The following PER2 variants were observed in gnomAD, a reference collection of about 807,000 sequenced individuals.
PER2 encodes the protein period circadian regulator 2.
A neutral mutation model predicts 121.0 loss-of-function variants in PER2; 66 were observed. The observed-to-expected ratio is 0.55, with a 90% confidence interval of 0.45 to 0.67. The LOEUF is 0.67. PER2 is among the 30% of genes least tolerant of loss of function. The probability of loss-of-function intolerance (pLI) is 0.00; values close to 1 mark genes in which losing one functional copy is unlikely to be tolerated. For missense variants in PER2, 1,521 were observed against 1,635.0 expected (o/e 0.93, Z 1.20); for synonymous variants, 684 against 659.9 (o/e 1.04, Z -0.56).
chr2:238,263,194 G>A (rs1695990397), intron 9 of PER2, 136 bp from the exon 10 acceptor site: 2 of 660,384 alleles, frequency 3.0e-6, no homozygotes, highest in Non-Finnish European at 5.3e-6. Context: ...GAGATCAAAA[G>A]TTGGACTAAC....
At position 238,262,967 on chromosome 2, in the gene PER2, C is replaced by T; in HGVS notation, c.1138G>A (p.Ala380Thr). The T allele has an allele frequency of 6.2e-7, 1 of 1,610,906 alleles. No homozygotes were observed. The highest frequency in any genetic ancestry group is 1.1e-5 in the South Asian group (1 of 90,992). ...LHPSDRPLMLAIHKKILQSGG... is the reference protein window; with the variant it reads ...LHPSDRPLMLTIHKKILQSGG... ...GGGGACCTACTCTTTTTGTGGATGGCCAGCATCAAGGGCCTGTCACTAGGG... is the reference window on the plus strand; with the variant it reads ...GGGGACCTACTCTTTTTGTGGATGGTCAGCATCAAGGGCCTGTCACTAGGG... Residue 380 changes from alanine to threonine, a missense_variant, in exon 10 of 23, where the codon GCC becomes ACC. By Grantham distance (58) the Ala-to-Thr change is moderately conservative. Transcript: ENST00000254657.
At chr2:238,271,002 C>T (rs80012488) in intron 6 of PER2, among the ~76,000 whole-genome samples, 16,666 of 152,288 alleles carry the variant, frequency 0.11, 1,207 homozygotes, top group Admixed American at 0.17. Flanking sequence ...CTCCCCACTG[C>T]CCCCACGACC....
the PER2 span, chr2:238,295,751 G>C: frequency 6.2e-6 from 1 of 161,294 alleles, no homozygotes; most frequent in African/African-American, 2.4e-5. Flanking sequence ...CTGCGATGAG[G>C]AGGAAGGGAA....
At chr2:238,284,813 C>G (rs1290590091) in intron 1 of PER2, among the ~76,000 whole-genome samples, 1 of 152,212 alleles carries the variant, frequency 6.6e-6, no homozygotes, top group Non-Finnish European at 1.5e-5. Context: ...GCCAAATTAT[C>G]AGAAACTTCG....
Position 238,268,235 on chromosome 2 carries a change from GACACAGGA to G in PER2, c.825-45_825-38del. The G allele has an allele frequency of 6.2e-7, 1 of 1,607,766 alleles. No individual in the cohort carries two copies. The highest frequency in any genetic ancestry group is 1.7e-5 in the Admixed American group (1 of 59,950). On this transcript the variant is annotated intron_variant, in intron 7 of 22. Coordinates refer to ENST00000254657, the MANE Select transcript of PER2 (RefSeq NM_022817.3). The surrounding 1 kb of genome is among the most constrained non-coding windows in gnomAD (Gnocchi z 4.0). ...AGCCACGCTCTAAGTTGGGAACTGT[GACACAGGA>G]ACAGTCCCCTGTTCTGTTCCCTCCT...
upstream of PER2, among the ~76,000 whole-genome samples, chr2:238,291,021 G>A (rs181380039): frequency 3.1e-3 from 473 of 152,344 alleles, 1 homozygote; most frequent in Non-Finnish European, 5.5e-3. Context: ...GAAGGGGGAT[G>A]AACCCTTTCC....
rs2304672 is a variant in PER2 at position 238,277,948 on chromosome 2, G to C, written c.-12C>G. ...GCGTATCCATTCATGCTGGGCTCTG[G>C]AACGAAGCTGGCAAACAGAGGGATG... On this transcript the variant is annotated 5_prime_UTR_variant, in exon 2 of 23. Coordinates refer to ENST00000254657, the MANE Select transcript of PER2 (RefSeq NM_022817.3). The C allele has an allele frequency of 0.087, 140,247 of 1,611,976 alleles. 6,907 individuals are homozygous for C. Among genetic ancestry groups the C allele is most frequent in the Middle Eastern group, 0.14 (765 of 5,450 alleles).
Position 238,271,321 on chromosome 2 carries a change from T to G in PER2, c.763A>C (p.Ser255Arg), listed in dbSNP as rs748712795. The G allele has an allele frequency of 1.6e-5, 26 of 1,613,478 alleles. No individual in the cohort carries two copies. The highest frequency in any genetic ancestry group is 2.1e-5 in the Non-Finnish European group (25 of 1,179,664). Residue 255 changes from serine to arginine, a missense_variant, in exon 6 of 23, where the codon AGT becomes CGT. Transcript: ENST00000254657. ...ACCTCGATAACCTCACCTGCTCCAC[T>G]GCACATGCTCCACAAGGGAAGCTTG... Reference protein sequence around the residue: ...PYKLPLWSMCSGADSFTQECM... With the variant: ...PYKLPLWSMCRGADSFTQECM...
chr2:238,255,935 C>A (rs921470365), intron 17 of PER2, 24 bp from the exon 18 acceptor site: 2 of 1,613,950 alleles, frequency 1.2e-6, no homozygotes, highest in African/African-American at 2.7e-5. Flanking sequence ...ACCCAGGGCT[C>A]TGGTCCACAC....
At position 238,246,532 on chromosome 2, in the gene PER2, G is replaced by GAAA; in HGVS notation, c.3619-11_3619-9dup. On this transcript the variant is annotated splice_polypyrimidine_tract_variant and intron_variant, in intron 22 of 22. Transcript: ENST00000254657. ...TTCACAGTAAACACATTCCTTAAAA[G>GAAA]AAAAAAAAAGAGAAATCAGTAACAA... The GAAA allele has an allele frequency of 6.7e-7, 1 of 1,503,472 alleles. No homozygotes were observed. The highest frequency in any genetic ancestry group is 9.2e-7 in the Non-Finnish European group (1 of 1,090,276). The allele number at this position is 1,503,472 out of a possible 1,614,324, so 93.1% of individuals were successfully genotyped here.
chr2:238,266,487 G>A (rs1696117909), intron 8 of PER2, among the ~76,000 whole-genome samples: 1 of 152,106 alleles, frequency 6.6e-6, no homozygotes, highest in Non-Finnish European at 1.5e-5. Context: ...CTAGACAAAG[G>A]TGGACAAAGC....
At position 238,252,057 on chromosome 2, in the gene PER2, G is replaced by A. The variant is rs561890733; in HGVS notation, c.3112-296C>T. On this transcript the variant is annotated intron_variant, in intron 19 of 22. Coordinates refer to ENST00000254657, the MANE Select transcript of PER2 (RefSeq NM_022817.3). This position sits in a 1 kb window ranked among gnomAD's most constrained non-coding sequence, Gnocchi z 4.2. ...GGGGAAAGCCTCAGGCTGCTCCTTG[G>A]CCACAGCCCCCTCCTCACATGCAGC... is the stretch of plus-strand genomic sequence containing the variant. 4.8e-4 allele frequency among the ~76,000 whole-genome samples: 73 copies of A among 152,302 alleles called. 1 individual carries two copies. The highest frequency in any genetic ancestry group is 1.6e-3 in the African/African-American group (66 of 41,566).
At chr2:238,274,662 G>A (rs946872838) in intron 4 of PER2, among the ~76,000 whole-genome samples, 6 of 152,200 alleles carry the variant, frequency 3.9e-5, no homozygotes, top group Non-Finnish European at 7.3e-5. Context: ...TCCTCCTTCC[G>A]GAAAAGGGGG....
In PER2 at chr2:238,255,848, G is replaced by A; in HGVS notation, c.2129C>T (p.Ala710Val). Reference sequence around the variant, plus strand: ...CTCCTTCTCTTGGCTGAGACCACAGGCCAGGGCAGGGCCCGCCAGGCAGTC... The same window carrying A: ...CTCCTTCTCTTGGCTGAGACCACAGACCAGGGCAGGGCCCGCCAGGCAGTC... The part of the protein sequence containing the change: ...SLDCLAGPAL[A>V]CGLSQEKEPF... The change falls in exon 18 of 23, where the codon GCC (alanine) becomes GTC (valine). Residue 710 changes from alanine to valine, a missense_variant. Coordinates refer to ENST00000254657, the MANE Select transcript of PER2 (RefSeq NM_022817.3). The A allele has an allele frequency of 1.2e-6, 2 of 1,614,198 alleles. No homozygotes were observed. Among genetic ancestry groups the A allele is most frequent in the Non-Finnish European group, 1.7e-6 (2 of 1,180,018 alleles).
chr2:238,269,076 C>G, intron 6 of PER2, 102 bp from the exon 7 acceptor site: 1 of 948,154 alleles, frequency 1.1e-6, no homozygotes, highest in Non-Finnish European at 1.7e-6. Flanking sequence ...AAGCAAGATT[C>G]AAGGTGAAAA....
intron 17 of PER2, 132 bp from the exon 18 acceptor site, chr2:238,256,043 G>A: frequency 8.7e-7 from 1 of 1,143,326 alleles, no homozygotes; most frequent in Non-Finnish European, 1.3e-6. Context: ...ATGAGGATGA[G>A]ACTCACAGCG....
intron 12 of PER2, chr2:238,261,517 G>A (rs928584266): frequency 1.8e-5 from 11 of 608,312 alleles, no homozygotes; most frequent in Non-Finnish European, 3.0e-5. Flanking sequence ...GTTCAGACAA[G>A]GTCGAATGCA....
chr2:238,297,171 AC>A, the PER2 span, among the ~76,000 whole-genome samples: 2 of 151,224 alleles, frequency 1.3e-5, no homozygotes, highest in African/African-American at 4.9e-5. Context: ...CCGCACATCC[AC>A]CCCCCACGCT....
At chr2:238,251,477 G>A in intron 20 of PER2, 122 bp downstream of exon 20, 3 of 884,946 alleles carry the variant, frequency 3.4e-6, no homozygotes, top group Non-Finnish European at 5.6e-6. Flanking sequence ...CATGGGCTCT[G>A]ACAGCTGCTT....
Sources: gnomAD v4.1 joint callset for allele counts (sites outside exome capture counted in the v4.1 genomes callset) on GRCh38, gnomAD v4.1.1 for gene constraint, Gnocchi (gnomAD v3.1) non-coding constraint, MANE v1.5 for transcripts, NCBI Gene and HGNC (gene_info 2026-07-23, HGNC 2026-07-21) for gene names.